ZNF423: variants seen among roughly 807,000 people sequenced by gnomAD.
ZNF423 encodes the protein Ebf-associated zinc finger protein.
ZNF423 carries 12 observed loss-of-function variants against 95.8 expected under a neutral mutation model. The observed-to-expected ratio is 0.13, with a 90% CI of 0.08 to 0.20. The LOEUF (loss-of-function observed/expected upper bound fraction) is 0.20, where lower values mean the gene tolerates loss of function less well. Ranked by LOEUF, ZNF423 falls within the 10% of genes least tolerant of loss-of-function variation. ZNF423 has a pLI of 1.00. For synonymous variants in ZNF423, 749 were observed against 711.9 expected (o/e 1.05, Z -0.83); for missense variants, 1,316 against 1,737.1 (o/e 0.76, Z 4.31).
At chr16:49,534,502 C>T (rs1968986720) in intron 5 of ZNF423, among the ~76,000 whole-genome samples, 1 of 152,198 alleles carries the variant, frequency 6.6e-6, no homozygotes, top group Non-Finnish European at 1.5e-5. Context: ...ATCTGCCTGC[C>T]TTGGCCTCCC....
intron 5 of ZNF423, among the ~76,000 whole-genome samples, chr16:49,565,368 T>G (rs1186267459): frequency 6.6e-6 from 1 of 152,180 alleles, no homozygotes; most frequent in East Asian, 1.9e-4. Context: ...CTTGGAAATT[T>G]CACTCTCCTG....
At chr16:49,512,092 C>G (rs6500229) in intron 7 of ZNF423, among the ~76,000 whole-genome samples, 94,587 of 151,960 alleles carry the variant, frequency 0.62, 30,743 homozygotes, top group African/African-American at 0.83. Context: ...AAACACATAA[C>G]AAAAATTCTG....
At chr16:49,784,371 A>AAAAAC (rs1597005343) in intron 2 of ZNF423, among the ~76,000 whole-genome samples, 1 of 152,094 alleles carries the variant, frequency 6.6e-6, no homozygotes, top group Admixed American at 6.5e-5. Context: ...CTCCACCTCT[A>AAAAAC]AAAACAAAAC....
chr16:49,488,003 T>C lies in ZNF423; in HGVS notation c.*3272A>G, dbSNP rs968744950. On this transcript the variant is annotated 3_prime_UTR_variant, in exon 8 of 8. Transcript: ENST00000563137. ...CTTGCCTGTGCCACTGTGGCCTCCA[T>C]GAGGCCAGGGACCACATCTGCTGGT... is the stretch of plus-strand genomic sequence containing the variant. 6.6e-6 allele frequency: 1 copy of C among 152,242 alleles called. No homozygotes were observed. The highest frequency in any genetic ancestry group is 2.4e-5 in the African/African-American group (1 of 41,456). The allele number at this position is 152,242 out of a possible 1,614,324, so 9.4% of individuals were successfully genotyped here. A position where few individuals can be genotyped will look rare whatever the true frequency, so the allele number is the denominator to read the frequency against.
chr16:49,633,344 CT>C (rs1972566170), intron 4 of ZNF423, among the ~76,000 whole-genome samples: 1 of 152,096 alleles, frequency 6.6e-6, no homozygotes, highest in Non-Finnish European at 1.5e-5. Flanking sequence ...ACATTTAATC[CT>C]CAGAGCAAAA....
At chr16:49,701,328 C>CA (rs34359071) in intron 3 of ZNF423, among the ~76,000 whole-genome samples, 1 of 152,156 alleles carries the variant, frequency 6.6e-6, no homozygotes, top group Non-Finnish European at 1.5e-5. Context: ...AAAATGCTTG[C>CA]AAAAAAGTAG....
At chr16:49,537,447 C>T (rs954457832) in intron 5 of ZNF423, among the ~76,000 whole-genome samples, 1 of 152,254 alleles carries the variant, frequency 6.6e-6, no homozygotes, top group East Asian at 1.9e-4. Context: ...TGCTGTGACC[C>T]AAGTAAAATG....
chr16:49,700,333 A>T (rs2032136648), intron 3 of ZNF423, among the ~76,000 whole-genome samples: 1 of 152,146 alleles, frequency 6.6e-6, no homozygotes, highest in South Asian at 2.1e-4. Flanking sequence ...AATCAGCACC[A>T]CAGGGCTCCC....
At position 49,731,733 on chromosome 16, in the gene ZNF423, C is replaced by T. The variant is rs115675558; in HGVS notation, c.101-762G>A. ...ACCTACTCAGGAGGATTGCTAGAGA[C>T]CAGGAGTTCGAGGTTACGGGGAACT... On this transcript the variant is annotated intron_variant, in intron 2 of 7. Transcript: ENST00000563137. 2.6e-3 allele frequency among the ~76,000 whole-genome samples: 393 copies of T among 152,138 alleles called. 1 individual carries two copies. The highest frequency in any genetic ancestry group is 9.0e-3 in the African/African-American group (375 of 41,486).
rs975944981 is a variant in ZNF423 at position 49,644,678 on chromosome 16, A to C, written c.302-5804T>G. 4.4e-3 allele frequency among the ~76,000 whole-genome samples: 637 copies of C among 145,108 alleles called. 32 individuals carry two copies. Among genetic ancestry groups the C allele is most frequent in the Admixed American group, 0.032 (460 of 14,204 alleles). Reference sequence around the variant, plus strand: ...TGACTCAAAAAAAAAAAAAAAAAAAAAAAAAAAAAAAAAAAAAAACCGTGA... The same window carrying C: ...TGACTCAAAAAAAAAAAAAAAAAAACAAAAAAAAAAAAAAAAAAACCGTGA... On this transcript the variant is annotated intron_variant, in intron 3 of 7. Coordinates refer to ENST00000563137, the MANE Select transcript of ZNF423 (RefSeq NM_001379286.1).
chr16:49,579,667 T>G (rs1396653080), intron 5 of ZNF423, among the ~76,000 whole-genome samples: 1 of 152,080 alleles, frequency 6.6e-6, no homozygotes, highest in Non-Finnish European at 1.5e-5. Context: ...ACATAATTCA[T>G]GAGGGGCTGG....
chr16:49,797,991 C>T (rs950983712), intron 1 of ZNF423, among the ~76,000 whole-genome samples: 3 of 152,320 alleles, frequency 2.0e-5, no homozygotes, highest in African/African-American at 7.2e-5. Context: ...AGGACGATTG[C>T]TTGAGCCAAG....
At chr16:49,628,085 ATCCATCCACCC>A (rs1972364879) in intron 4 of ZNF423, among the ~76,000 whole-genome samples, 2 of 147,438 alleles carry the variant, frequency 1.4e-5, no homozygotes, top group Admixed American at 1.3e-4. Flanking sequence ...CCATCCACCT[ATCCATCCACCC>A]TCCATCTACC....
intron 5 of ZNF423, among the ~76,000 whole-genome samples, chr16:49,609,213 G>A (rs1477450784): frequency 2.0e-5 from 3 of 152,176 alleles, no homozygotes; most frequent in Admixed American, 6.5e-5. Context: ...GATGGCATCT[G>A]CACCCCTTCT....
intron 6 of ZNF423, among the ~76,000 whole-genome samples, chr16:49,524,392 G>A (rs1378336208): frequency 6.6e-6 from 1 of 152,208 alleles, no homozygotes; most frequent in Non-Finnish European, 1.5e-5. Context: ...GTCCTGGGTT[G>A]GCAGACGGGC....
intron 2 of ZNF423, among the ~76,000 whole-genome samples, chr16:49,737,954 C>T (rs191696053): frequency 1.2e-4 from 18 of 152,324 alleles, no homozygotes; most frequent in East Asian, 1.2e-3. Flanking sequence ...ATCAGAGGTC[C>T]CACCTCTGGG....
Position 49,638,024 on chromosome 16 carries a change from G to A in ZNF423, c.1152C>T (p.Ala384=), listed in dbSNP as rs766850851. ...CCGGGGTGGAGCCACGCTCCACAGA[G>A]GCGCTGGAGTCGGGTGTGGCGCTGC... The part of the protein sequence containing the change: ...SMSSATPDSS[A]SVERGSTPDS... The change falls in exon 4 of 8, where the codon GCC becomes GCT. Residue 384 remains alanine, a synonymous_variant. Coordinates refer to ENST00000563137, the MANE Select transcript of ZNF423 (RefSeq NM_001379286.1). This position sits in a 1 kb window ranked among gnomAD's most constrained non-coding sequence, Gnocchi z 5.6. The A allele has an allele frequency of 5.0e-6, 8 of 1,614,012 alleles. No homozygotes were observed. Among genetic ancestry groups the A allele is most frequent in the Non-Finnish European group, 6.8e-6 (8 of 1,180,044 alleles).
At chr16:49,678,231 T>A (rs1466294690) in intron 3 of ZNF423, among the ~76,000 whole-genome samples, 2 of 152,108 alleles carry the variant, frequency 1.3e-5, no homozygotes, top group Admixed American at 6.5e-5. Flanking sequence ...GTGTTTTATT[T>A]TTTTTTTAAA....
intron 4 of ZNF423, among the ~76,000 whole-genome samples, chr16:49,633,448 G>T (rs1192669029): frequency 6.6e-6 from 1 of 152,192 alleles, no homozygotes; most frequent in African/African-American, 2.4e-5. Flanking sequence ...TAAAAAACCA[G>T]AGAGGCCCCC....
Sources: gnomAD v4.1 joint callset for allele counts (sites outside exome capture counted in the v4.1 genomes callset) on GRCh38, gnomAD v4.1.1 for gene constraint, Gnocchi (gnomAD v3.1) non-coding constraint, MANE v1.5 for transcripts, NCBI Gene and HGNC (gene_info 2026-07-23, HGNC 2026-07-21) for gene names.